The following TNIP1 variants were observed in gnomAD, a reference collection of about 807,000 sequenced individuals.
TNIP1 encodes the protein TNFAIP3 interacting protein 1, also known as TNFAIP3-interacting protein 1.
TNIP1 carries 22 observed loss-of-function variants against 86.6 expected under a neutral mutation model. The observed-to-expected ratio is 0.25, with a 90% CI of 0.18 to 0.36. TNIP1 has a LOEUF of 0.36. Ranked by LOEUF, TNIP1 falls within the 10% of genes least tolerant of loss-of-function variation. The pLI, the probability that TNIP1 is intolerant of heterozygous loss-of-function variation, is 1.00. For synonymous variants in TNIP1, 294 were observed against 313.0 expected (o/e 0.94, Z 0.64); for missense variants, 709 against 820.6 (o/e 0.86, Z 1.66).
intron 2 of TNIP1, among the ~76,000 whole-genome samples, chr5:151,064,459 G>A (rs556679097): frequency 7.9e-5 from 12 of 152,356 alleles, no homozygotes; most frequent in South Asian, 4.1e-4. Flanking sequence ...GGGCCCGTCG[G>A]TCGTGTGGAG....
intron 5 of TNIP1, among the ~76,000 whole-genome samples, chr5:151,059,826 AGAGTGT>A (rs1240295339): frequency 1.7e-4 from 12 of 72,190 alleles, no homozygotes; most frequent in African/African-American, 5.0e-4. Flanking sequence ...AGAGAGAGAG[AGAGTGT>A]GTGTGTGTGT....
chr5:151,053,050 T>C lies in TNIP1; in HGVS notation c.628-791A>G, dbSNP rs1019603399. On this transcript the variant is annotated intron_variant, in intron 6 of 17. Coordinates refer to ENST00000521591, the MANE Select transcript of TNIP1 (RefSeq NM_006058.5). ...TCACTATGCCCTCACGCCCTCACAA[T>C]GTGGCTGTGACACTTGGTTCCTCCT... is the stretch of plus-strand genomic sequence containing the variant. Among the ~76,000 whole-genome samples, 10 of 151,064 alleles carry C rather than the reference T, an allele frequency of 6.6e-5. No individual in the cohort carries two copies. In the South Asian group the frequency reaches 1.9e-3, roughly 29 times the overall value.
intron 4 of TNIP1, among the ~76,000 whole-genome samples, 176 bp from the exon 5 acceptor site, chr5:151,060,571 T>G (rs1761431950): frequency 1.3e-5 from 2 of 152,246 alleles, no homozygotes; most frequent in African/African-American, 4.8e-5. Context: ...AAGCCTGTCA[T>G]AGCCCTCTGC....
upstream of TNIP1, among the ~76,000 whole-genome samples, chr5:151,082,988 A>G (rs2113863397): frequency 6.7e-6 from 1 of 149,348 alleles, no homozygotes; most frequent in Admixed American, 6.9e-5. Flanking sequence ...ACTCTAGGCC[A>G]CACACATTGA....
chr5:151,044,308 C>T (rs1758842529), intron 9 of TNIP1, among the ~76,000 whole-genome samples: 1 of 151,998 alleles, frequency 6.6e-6, no homozygotes, highest in Non-Finnish European at 1.5e-5. Flanking sequence ...TCCCAAAGTG[C>T]TGGGATTACA....
chr5:151,076,785 G>A (rs890445803), intron 1 of TNIP1, among the ~76,000 whole-genome samples: 3 of 152,184 alleles, frequency 2.0e-5, no homozygotes, highest in African/African-American at 7.2e-5. Flanking sequence ...GGCTGCCTAC[G>A]AGGTGGAAAG....
chr5:151,076,208 G>C lies in TNIP1; in HGVS notation c.-37+4672C>G, dbSNP rs148997497. On this transcript the variant is annotated intron_variant, in intron 1 of 17. Transcript: ENST00000521591. ...GTGGCCGCCAAGGTCTTTCTCTGGG[G>C]GTTGGGAGCTGTGCTCCCCCACAAA... 9.8e-5 allele frequency among the ~76,000 whole-genome samples: 15 copies of C among 152,324 alleles called. No individual in the cohort carries two copies. The East Asian group carries it at 2.7e-3, about 27-fold the overall frequency.
chr5:151,052,514 C>G (rs960544671), intron 6 of TNIP1, among the ~76,000 whole-genome samples: 2 of 152,238 alleles, frequency 1.3e-5, no homozygotes, highest in African/African-American at 4.8e-5. Flanking sequence ...AGACAGACAG[C>G]TCCATCCCTT....
chr5:151,068,283 C>T (rs901406986), intron 1 of TNIP1, among the ~76,000 whole-genome samples: 1 of 152,154 alleles, frequency 6.6e-6, no homozygotes, highest in Non-Finnish European at 1.5e-5. Flanking sequence ...AGCGGCAGTC[C>T]CTGGATGACC....
intron 6 of TNIP1, among the ~76,000 whole-genome samples, chr5:151,052,973 T>A (rs1473583331): frequency 6.6e-6 from 1 of 151,984 alleles, no homozygotes; most frequent in Non-Finnish European, 1.5e-5. Flanking sequence ...GTGTGAGAGG[T>A]GCCCAGTGTT....
chr5:151,032,060 T>A (rs974504174), intron 17 of TNIP1: 2 of 552,356 alleles, frequency 3.6e-6, no homozygotes, highest in African/African-American at 3.8e-5. Context: ...TAGGCATCCA[T>A]AGCACCTAGC....
intron 1 of TNIP1, among the ~76,000 whole-genome samples, chr5:151,068,633 C>T (rs556030068): frequency 1.3e-5 from 2 of 152,306 alleles, no homozygotes; most frequent in East Asian, 1.9e-4. Flanking sequence ...TTCTCACTCA[C>T]GGCACAGGCA....
chr5:151,076,768 T>C (rs1763440642), intron 1 of TNIP1, among the ~76,000 whole-genome samples: 2 of 152,080 alleles, frequency 1.3e-5, no homozygotes, highest in Non-Finnish European at 2.9e-5. Context: ...GGAATAACAC[T>C]GGAAGGGGCT....
chr5:151,034,106 C>CT (rs74210785), intron 15 of TNIP1, among the ~76,000 whole-genome samples: 13,943 of 147,228 alleles, frequency 0.095, 731 homozygotes, highest in Middle Eastern at 0.21. Flanking sequence ...GCATGGAAGG[C>CT]TAGTACATGG....
At chr5:151,046,461 A>G (rs1360244037) in intron 8 of TNIP1, 1 of 154,856 alleles carries the variant, frequency 6.5e-6, no homozygotes, top group Non-Finnish European at 1.4e-5. Flanking sequence ...TGTGTAATAC[A>G]CATAGATGTT....
At chr5:151,059,874 C>CGT (rs1358143848) in intron 5 of TNIP1, among the ~76,000 whole-genome samples, 1 of 85,760 alleles carries the variant, frequency 1.2e-5, no homozygotes, top group African/African-American at 5.0e-5. Context: ...TGTGCGCGCG[C>CGT]GCGCGCGCAT....
In TNIP1 at chr5:151,062,004, T is replaced by C. The variant is rs952401395; in HGVS notation, c.357+123A>G. On this transcript the variant is annotated intron_variant, in intron 4 of 17. Transcript: ENST00000521591. ...GAGTTTGCGATGGACTTGCCCAATA[T>C]CACCCAGCGAGACGGAACACAGTTT... 26 of 871,044 alleles carry C rather than the reference T, an allele frequency of 3.0e-5. No homozygotes were observed. In the Admixed American group the frequency reaches 6.7e-4, roughly 22 times the overall value. 54.0% of individuals were successfully genotyped at this position (871,044 alleles called of 1,614,324 possible). A position where few individuals can be genotyped will look rare whatever the true frequency, so the allele number is the denominator to read the frequency against.
At chr5:151,063,484 G>T in intron 3 of TNIP1, 129 bp downstream of exon 3, 1 of 1,372,322 alleles carries the variant, frequency 7.3e-7, no homozygotes, top group Non-Finnish European at 1.0e-6. Flanking sequence ...AACATGAATG[G>T]AAGGGTAGCC....
At chr5:151,076,345 G>C (rs1048936100) in intron 1 of TNIP1, among the ~76,000 whole-genome samples, 4 of 152,150 alleles carry the variant, frequency 2.6e-5, no homozygotes, top group Admixed American at 6.5e-5. Context: ...CAGGCATGTG[G>C]GGGCATAGCA....
Sources: gnomAD v4.1 joint callset for allele counts (sites outside exome capture counted in the v4.1 genomes callset) on GRCh38, gnomAD v4.1.1 for gene constraint, MANE v1.5 for transcripts, NCBI Gene and HGNC (gene_info 2026-07-23, HGNC 2026-07-21) for gene names.